The following ACSM2A variants were observed in gnomAD, a reference collection of about 807,000 sequenced individuals.
ACSM2A encodes the protein acyl-CoA synthetase medium chain family member 2A, also known as acyl-coenzyme A synthetase ACSM2A, mitochondrial.
In ACSM2A, 72 loss-of-function variants were observed where a neutral mutation model predicts 76.6. The ratio of observed to expected loss-of-function variants is 0.94; its 90% CI spans 0.78 to 1.14. The LOEUF is 1.14. Among genes scored for constraint, ACSM2A ranks in the 50% most tolerant of loss-of-function variants. ACSM2A has a pLI of 0.00. For missense variants in ACSM2A, 684 were observed against 708.5 expected, an observed-to-expected ratio of 0.97 and a Z score of 0.39; for synonymous variants, 249 against 255.9, an observed-to-expected ratio of 0.97 and a Z score of 0.26.
At chr16:20,466,023 T>G (rs369643090) in intron 3 of ACSM2A, among the ~76,000 whole-genome samples, 26 of 152,186 alleles carry the variant, frequency 1.7e-4, no homozygotes, top group African/African-American at 3.1e-4. Context: ...ATTATGATAA[T>G]TGGTATGAGA....
rs915283744 is a variant in ACSM2A at position 20,453,693 on chromosome 16, A to G, written c.-9+2012A>G. On this transcript the variant is annotated intron_variant, in intron 1 of 13. Coordinates refer to ENST00000573854, the MANE Select transcript of ACSM2A (RefSeq NM_001308172.2). Reference sequence around the variant, plus strand: ...ATATTTTTCTTCTTGCAGAAAGCCTATAGAAGGATGTGCAAGTAGGAGAAA... The same window carrying G: ...ATATTTTTCTTCTTGCAGAAAGCCTGTAGAAGGATGTGCAAGTAGGAGAAA... 12 of 126,784 alleles carry G rather than the reference A, an allele frequency of 9.5e-5. 1 individual carries two copies. Among genetic ancestry groups the G allele is most frequent in the Non-Finnish European group, 1.5e-4 (9 of 61,720 alleles). 7.9% of individuals were successfully genotyped at this position (126,784 alleles called of 1,614,324 possible).
At chr16:20,454,424 T>C (rs2011996187) in intron 1 of ACSM2A, among the ~76,000 whole-genome samples, 1 of 152,008 alleles carries the variant, frequency 6.6e-6, no homozygotes, top group South Asian at 2.1e-4. Context: ...CCCCACCCAG[T>C]AGTGGCAGCA....
At chr16:20,459,793 C>T (rs1019355504) in intron 1 of ACSM2A, among the ~76,000 whole-genome samples, 2 of 152,118 alleles carry the variant, frequency 1.3e-5, no homozygotes, top group Non-Finnish European at 2.9e-5. Context: ...TTGCTGGGAA[C>T]AACTATCCCA....
chr16:20,482,874 G>T (rs2014162863), intron 12 of ACSM2A, 184 bp from the exon 13 acceptor site: 3 of 879,284 alleles, frequency 3.4e-6, no homozygotes, highest in South Asian at 4.5e-5. Context: ...TCCAATAAAT[G>T]ACTTCAGAGA....
At chr16:20,485,251 A>G (rs1486163715) in intron 13 of ACSM2A, among the ~76,000 whole-genome samples, 2 of 152,198 alleles carry the variant, frequency 1.3e-5, no homozygotes, top group Non-Finnish European at 2.9e-5. Flanking sequence ...TGAGTCAAGG[A>G]GTCCTACCAC....
chr16:20,466,291 G>A (rs1304725372), intron 3 of ACSM2A, among the ~76,000 whole-genome samples: 2 of 152,140 alleles, frequency 1.3e-5, no homozygotes, highest in Non-Finnish European at 2.9e-5. Flanking sequence ...ACCAATATGA[G>A]GAGCAACTAA....
At chr16:20,477,302 T>C in intron 8 of ACSM2A, 67 bp from the exon 9 acceptor site, 1 of 1,570,560 alleles carries the variant, frequency 6.4e-7, no homozygotes, top group Non-Finnish European at 8.6e-7. Flanking sequence ...TCTGCAGAAA[T>C]TTTTTCTTTT....
At chr16:20,484,869 A>C (rs1242906237) in intron 13 of ACSM2A, among the ~76,000 whole-genome samples, 10 of 152,144 alleles carry the variant, frequency 6.6e-5, no homozygotes, top group Admixed American at 6.5e-4. Context: ...TTGGTCTGGC[A>C]GTGGGGTGGG....
chr16:20,483,281 T>G (rs2014197539), intron 13 of ACSM2A, 104 bp downstream of exon 13: 1 of 1,524,596 alleles, frequency 6.6e-7, no homozygotes, highest in Non-Finnish European at 8.8e-7. Flanking sequence ...TTTTAAAAAG[T>G]CTTCCTGGCT....
intron 6 of ACSM2A, chr16:20,473,873 T>C: frequency 2.9e-6 from 1 of 341,292 alleles, no homozygotes; most frequent in South Asian, 2.3e-5. Context: ...CTAGTGCCAG[T>C]ACCTAAAAGC....
rs529281181 is a variant in ACSM2A, at chr16:20,470,896, A to C, written c.597-177A>C. 119 of 1,001,428 alleles carry C rather than the reference A, an allele frequency of 1.2e-4. No homozygotes were observed. The African/African-American group carries it at 1.8e-3, about 15-fold the overall frequency. The allele number at this position is 1,001,428 out of a possible 1,614,324, so 62.0% of individuals were successfully genotyped here. On this transcript the variant is annotated intron_variant, in intron 4 of 13. Transcript: ENST00000573854. ...AAAGTGTGAAACTTCAGTAGTTTTCAAACCCAACTCTGATTGACTCAGACT... is the reference window on the plus strand; with the variant it reads ...AAAGTGTGAAACTTCAGTAGTTTTCCAACCCAACTCTGATTGACTCAGACT...
chr16:20,460,293 T>C lies in ACSM2A; in HGVS notation c.177+2T>C. The C allele has an allele frequency of 6.2e-7, 1 of 1,613,626 alleles. No homozygotes were observed. Among genetic ancestry groups the C allele is most frequent in the Non-Finnish European group, 8.5e-7 (1 of 1,179,736 alleles). ...GATCACTGGGCTGACATGGAGAAGG[T>C]AATGGGGTGGAAAAGAGGCACAGAG... is the stretch of plus-strand genomic sequence containing the variant. On this transcript the variant is annotated splice_donor_variant, in intron 2 of 13. Transcript: ENST00000573854. LOFTEE classifies it high-confidence loss of function.
In ACSM2A at chr16:20,455,664, A is replaced by T. The variant is rs368140540; in HGVS notation, c.-9+3983A>T. The stretch of plus-strand genomic sequence containing the variant: ...AAAGGAGCTTTAAATCTTGAAACAA[A>T]TCCTGGAAACACATCAAAATAGAAC... On this transcript the variant is annotated intron_variant, in intron 1 of 13. Coordinates refer to ENST00000573854, the MANE Select transcript of ACSM2A (RefSeq NM_001308172.2). 8.6e-3 allele frequency among the ~76,000 whole-genome samples: 1,282 copies of T among 149,774 alleles called. 8 individuals carry two copies. Among genetic ancestry groups the T allele is most frequent in the African/African-American group, 0.029 (1,141 of 39,826 alleles).
chr16:20,468,047 A>G (rs1596654494), intron 3 of ACSM2A, among the ~76,000 whole-genome samples: 1 of 152,246 alleles, frequency 6.6e-6, no homozygotes, highest in Non-Finnish European at 1.5e-5. Flanking sequence ...ATTAGAAACT[A>G]TCAGAGGCGA....
chr16:20,485,897 C>G (rs1430076189), intron 13 of ACSM2A, among the ~76,000 whole-genome samples: 6 of 152,232 alleles, frequency 3.9e-5, no homozygotes, highest in Admixed American at 2.0e-4. Flanking sequence ...GGCATCTTCA[C>G]CATCCATATC....
chr16:20,457,624 G>A (rs2012268840), intron 1 of ACSM2A, among the ~76,000 whole-genome samples: 1 of 152,108 alleles, frequency 6.6e-6, no homozygotes, highest in East Asian at 1.9e-4. Flanking sequence ...ATCCTCTTAT[G>A]ATTAAAACCC....
chr16:20,485,353 C>A (rs906252111), intron 13 of ACSM2A, among the ~76,000 whole-genome samples: 2 of 152,164 alleles, frequency 1.3e-5, no homozygotes, highest in South Asian at 4.2e-4. Context: ...GGATTATTTG[C>A]ACCTTCCCCC....
intron 12 of ACSM2A, 105 bp from the exon 13 acceptor site, chr16:20,482,953 T>G (rs2014170385): frequency 2.0e-6 from 3 of 1,513,702 alleles, no homozygotes; most frequent in Non-Finnish European, 8.9e-7. Flanking sequence ...GGGGTGCAAA[T>G]GAGGAGATAC....
chr16:20,475,854 A>T, intron 8 of ACSM2A, 81 bp downstream of exon 8: 1 of 1,592,278 alleles, frequency 6.3e-7, no homozygotes, highest in Admixed American at 1.8e-5. Context: ...ATTGTTAGCC[A>T]CCATGTATCA....
Sources: allele counts gnomAD v4.1 joint callset (sites outside exome capture counted in the v4.1 genomes callset), GRCh38; gene constraint gnomAD v4.1.1; transcripts MANE v1.5; gene names NCBI Gene and HGNC (gene_info 2026-07-23, HGNC 2026-07-21).